SKAP1: variants seen among roughly 807,000 people sequenced by gnomAD.
SKAP1 encodes src kinase associated phosphoprotein 1.
SKAP1 carries 44 observed loss-of-function variants against 58.5 expected under a neutral mutation model. That is an observed-to-expected ratio of 0.75 (90% CI 0.59 to 0.97). SKAP1 has a LOEUF of 0.97. Ranked by LOEUF, SKAP1 falls within the 50% of genes least tolerant of loss-of-function variation. The pLI, the probability that SKAP1 is intolerant of heterozygous loss-of-function variation, is 0.00. For missense variants in SKAP1, 390 were observed against 435.2 expected (o/e 0.90, Z 0.92); for synonymous variants, 127 against 149.7 (o/e 0.85, Z 1.11).
intron 4 of SKAP1, among the ~76,000 whole-genome samples, chr17:48,275,020 C>T (rs1234775982): frequency 6.6e-6 from 1 of 152,196 alleles, no homozygotes; most frequent in African/African-American, 2.4e-5. Context: ...TTCAATCCCT[C>T]CTCCTCCACC....
chr17:48,190,853 C>T (rs1384039310), intron 4 of SKAP1, among the ~76,000 whole-genome samples: 7 of 152,080 alleles, frequency 4.6e-5, no homozygotes, highest in Admixed American at 3.3e-4. Flanking sequence ...GGCATGGTGG[C>T]ACACACCTGT....
intron 4 of SKAP1, among the ~76,000 whole-genome samples, chr17:48,335,162 T>C (rs1394290187): frequency 1.3e-5 from 2 of 151,886 alleles, no homozygotes; most frequent in East Asian, 3.8e-4. Context: ...TTAAAAATCA[T>C]GGTCTCAAAT....
intron 4 of SKAP1, among the ~76,000 whole-genome samples, chr17:48,278,344 C>A (rs1290894213): frequency 6.6e-6 from 1 of 151,846 alleles, no homozygotes; most frequent in African/African-American, 2.4e-5. Context: ...TAGTAGATGT[C>A]CGGTGTGTGT....
chr17:48,180,241 G>T lies in SKAP1; in HGVS notation c.639C>A (p.Ser213Arg), dbSNP rs1448215053. 6.4e-7 allele frequency: 1 copy of T among 1,573,344 alleles called. No homozygotes were observed. Among genetic ancestry groups the T allele is most frequent in the Non-Finnish European group, 8.6e-7 (1 of 1,159,310 alleles). The change falls in exon 9 of 13, where the codon AGC becomes AGA. Residue 213 changes from serine to arginine, a missense_variant. Coordinates refer to ENST00000336915, the MANE Select transcript of SKAP1 (RefSeq NM_003726.4). ...DQISFLLKDL[S>R]SLTIPYEEDE... ...CCTCTTCATATGGAATGGTTAAGGA[G>T]CTCAGATCTAACAAGGCAAAGATGA...
At chr17:48,368,405 G>A (rs1159608328) in intron 2 of SKAP1, among the ~76,000 whole-genome samples, 2 of 152,180 alleles carry the variant, frequency 1.3e-5, no homozygotes, top group Non-Finnish European at 2.9e-5. Context: ...CAACAAGTCT[G>A]AGACTAGAAA....
intron 1 of SKAP1, among the ~76,000 whole-genome samples, chr17:48,423,706 A>ATTTTT: frequency 6.6e-6 from 1 of 152,298 alleles, no homozygotes; most frequent in African/African-American, 2.4e-5. Flanking sequence ...AAGGATGAAA[A>ATTTTT]ATTCATGGTA....
intron 1 of SKAP1, among the ~76,000 whole-genome samples, chr17:48,424,058 G>A (rs942632841): frequency 5.3e-5 from 8 of 152,116 alleles, no homozygotes; most frequent in African/African-American, 1.7e-4. Flanking sequence ...TACAAACTAG[G>A]TAGCTTATAA....
chr17:48,281,391 T>C (rs2065765185), intron 4 of SKAP1, among the ~76,000 whole-genome samples: 1 of 152,198 alleles, frequency 6.6e-6, no homozygotes, highest in South Asian at 2.1e-4. Context: ...CTCTTTGTCA[T>C]TGTCATGGCA....
At chr17:48,262,525 T>C (rs920240472) in intron 4 of SKAP1, among the ~76,000 whole-genome samples, 1 of 152,226 alleles carries the variant, frequency 6.6e-6, no homozygotes, top group Non-Finnish European at 1.5e-5. Flanking sequence ...TATTGTAAAG[T>C]ATTATAGTAT....
upstream of SKAP1, among the ~76,000 whole-genome samples, chr17:48,430,487 C>T (rs562902309): frequency 1.4e-4 from 21 of 152,132 alleles, no homozygotes; most frequent in African/African-American, 5.1e-4. Flanking sequence ...ACACTCCATC[C>T]TAAGCACCGA....
intron 1 of SKAP1, among the ~76,000 whole-genome samples, chr17:48,403,528 C>A (rs989893277): frequency 2.0e-5 from 3 of 151,972 alleles, no homozygotes; most frequent in Admixed American, 2.0e-4. Flanking sequence ...GTGAAAACAT[C>A]TCTCAAGCAC....
chr17:48,422,340 G>A (rs1366485562), intron 1 of SKAP1, among the ~76,000 whole-genome samples: 2 of 151,926 alleles, frequency 1.3e-5, no homozygotes, highest in African/African-American at 2.4e-5. Flanking sequence ...AAACAAAAGA[G>A]GTCAGCTGGA....
At chr17:48,254,656 T>C (rs762144453) in intron 4 of SKAP1, among the ~76,000 whole-genome samples, 16 of 150,460 alleles carry the variant, frequency 1.1e-4, no homozygotes, top group Non-Finnish European at 2.2e-4. Context: ...TCATATTTAC[T>C]GAACGCCTAC....
intron 1 of SKAP1, among the ~76,000 whole-genome samples, chr17:48,429,654 A>T (rs888873309): frequency 6.6e-6 from 1 of 151,954 alleles, no homozygotes; most frequent in African/African-American, 2.4e-5. Context: ...AGCCTCGGGG[A>T]CCTCTAAGCA....
chr17:48,278,716 T>C (rs981268865), intron 4 of SKAP1, among the ~76,000 whole-genome samples: 25 of 152,160 alleles, frequency 1.6e-4, no homozygotes, highest in Admixed American at 1.6e-3. Flanking sequence ...GGTGAGTGGC[T>C]GGATACTGGG....
intron 4 of SKAP1, among the ~76,000 whole-genome samples, chr17:48,250,536 T>A (rs943304836): frequency 5.9e-5 from 9 of 151,888 alleles, no homozygotes; most frequent in Non-Finnish European, 1.0e-4. Context: ...CCGTCTCAGC[T>A]TCCCAAAGTG....
intron 12 of SKAP1, among the ~76,000 whole-genome samples, chr17:48,134,088 T>C (rs1037768440): frequency 3.3e-5 from 5 of 152,178 alleles, no homozygotes; most frequent in East Asian, 1.9e-4. Flanking sequence ...ACCAACATAT[T>C]TCAGAATGTA....
intron 4 of SKAP1, among the ~76,000 whole-genome samples, chr17:48,272,537 T>A (rs2065646322): frequency 1.3e-5 from 2 of 152,130 alleles, no homozygotes. Flanking sequence ...TAAGTAAAGA[T>A]GATCTTATTT....
intron 12 of SKAP1, chr17:48,136,413 C>A (rs564598102): frequency 2.0e-5 from 3 of 152,334 alleles, no homozygotes; most frequent in Non-Finnish European, 1.5e-5. Context: ...CCTCATGATC[C>A]GCCCGCCTCG....
Sources: allele counts gnomAD v4.1 joint callset (sites outside exome capture counted in the v4.1 genomes callset), GRCh38; gene constraint gnomAD v4.1.1; transcripts MANE v1.5; gene names NCBI Gene and HGNC (gene_info 2026-07-23, HGNC 2026-07-21).